OCM: variants seen among roughly 807,000 people sequenced by gnomAD.
OCM encodes the protein oncomodulin-1.
OCM carries 18 observed loss-of-function variants against 14.1 expected under a neutral mutation model. The observed-to-expected ratio is 1.28, with a 90% CI of 0.88 to 1.89. OCM has a LOEUF of 1.89. OCM is among the 40% of genes most tolerant of loss of function. OCM has a pLI of 0.00. For synonymous variants in OCM, 48 were observed against 51.0 expected, an observed-to-expected ratio of 0.94 and a Z score of 0.25; for missense variants, 140 against 137.6, an observed-to-expected ratio of 1.02 and a Z score of -0.09.
At chr7:5,864,315 C>G in the OCM span, among the ~76,000 whole-genome samples, 1 of 149,802 alleles carries the variant, frequency 6.7e-6, no homozygotes, top group Non-Finnish European at 1.5e-5. Context: ...CCACTGCACT[C>G]CAGCCTGGGT....
chr7:5,884,874 A>G (rs149211057), intron 3 of OCM, among the ~76,000 whole-genome samples: 2,100 of 152,250 alleles, frequency 0.014, 49 homozygotes, highest in African/African-American at 0.048. Context: ...AATCCCAGCA[A>G]TTTTGGAGGC....
chr7:5,880,213 GGCT>G, upstream of OCM, among the ~76,000 whole-genome samples: 1 of 152,242 alleles, frequency 6.6e-6, no homozygotes, highest in East Asian at 1.9e-4. Flanking sequence ...GCATCTCTCG[GGCT>G]GCTGTAGGAA....
chr7:5,866,955 G>C, the OCM span, among the ~76,000 whole-genome samples: 3 of 152,100 alleles, frequency 2.0e-5, no homozygotes, highest in African/African-American at 7.2e-5. Context: ...CGTAGTGCCT[G>C]TTTCACTTTA....
At chr7:5,883,176 C>A (rs974393511) in intron 2 of OCM, among the ~76,000 whole-genome samples, 1 of 152,006 alleles carries the variant, frequency 6.6e-6, no homozygotes, top group Non-Finnish European at 1.5e-5. Flanking sequence ...TTTCCTTTGG[C>A]AAATGGACTT....
At chr7:5,876,156 C>T (rs1239197567), upstream of OCM, among the ~76,000 whole-genome samples, 1 of 152,152 alleles carries the variant, frequency 6.6e-6, no homozygotes, top group African/African-American at 2.4e-5. Context: ...CAGGCATGCA[C>T]CACCACGCCG....
rs1159644130 is a variant in OCM at position 5,882,113 on chromosome 7, AAAAAAAGC to A, written c.62-379_62-372del. On this transcript the variant is annotated intron_variant, in intron 1 of 3. Transcript: ENST00000242104. The stretch of plus-strand genomic sequence containing the variant: ...AAAAAAAAAAAAAAAAAAAAAAAAA[AAAAAAAGC>A]GCCAAAGGCCATTTAGCCTGTTGAA... Among the ~76,000 whole-genome samples, 6 of 148,890 alleles carry A rather than the reference AAAAAAAGC, an allele frequency of 4.0e-5. 1 individual carries two copies. The highest frequency in any genetic ancestry group is 8.9e-5 in the Non-Finnish European group (6 of 67,262).
the OCM span, among the ~76,000 whole-genome samples, chr7:5,862,571 A>G: frequency 1.3e-5 from 2 of 152,228 alleles, no homozygotes; most frequent in Non-Finnish European, 2.9e-5. Context: ...TAAATGCAGC[A>G]TGGCCCTATT....
At chr7:5,879,646 G>C (rs1447328214), upstream of OCM, among the ~76,000 whole-genome samples, 2 of 150,638 alleles carry the variant, frequency 1.3e-5, no homozygotes, top group African/African-American at 4.9e-5. Flanking sequence ...TGCCAACAGG[G>C]TTCGTTTGCA....
chr7:5,862,000 A>G, the OCM span, among the ~76,000 whole-genome samples: 2 of 152,154 alleles, frequency 1.3e-5, no homozygotes, highest in Non-Finnish European at 1.5e-5. Context: ...CCTGAGCTCA[A>G]GTGATCCTCC....
chr7:5,873,494 C>T, the OCM span, among the ~76,000 whole-genome samples: 2 of 152,096 alleles, frequency 1.3e-5, no homozygotes, highest in South Asian at 4.1e-4. Flanking sequence ...AGCCCAGGAG[C>T]CTGGATAATT....
chr7:5,863,313 T>G, the OCM span, among the ~76,000 whole-genome samples: 1 of 152,122 alleles, frequency 6.6e-6, no homozygotes, highest in Non-Finnish European at 1.5e-5. Context: ...GGGCGTGTCC[T>G]CAAACTGCTG....
chr7:5,871,695 T>C, the OCM span: 6 of 152,198 alleles, frequency 3.9e-5, no homozygotes, highest in African/African-American at 1.4e-4. Context: ...GAGGCCCCCA[T>C]AGTGAAATTC....
the OCM span, among the ~76,000 whole-genome samples, chr7:5,865,340 T>G: frequency 1.3e-5 from 2 of 152,216 alleles, no homozygotes; most frequent in African/African-American, 4.8e-5. Context: ...TGGTTTTGCT[T>G]CTTAAAAAAG....
At chr7:5,871,806 G>A in the OCM span, 3 of 151,908 alleles carry the variant, frequency 2.0e-5, no homozygotes, top group Admixed American at 6.6e-5. Context: ...CTATTCACAA[G>A]CATAATCCCA....
chr7:5,870,435 C>T, the OCM span, among the ~76,000 whole-genome samples: 1 of 152,188 alleles, frequency 6.6e-6, no homozygotes, highest in Non-Finnish European at 1.5e-5. Context: ...TTTATGCATT[C>T]TCATAGCATC....
upstream of OCM, among the ~76,000 whole-genome samples, chr7:5,876,927 T>A (rs1781107699): frequency 6.6e-6 from 1 of 151,876 alleles, no homozygotes; most frequent in Admixed American, 6.6e-5. Flanking sequence ...TGCCTCAGCC[T>A]CTCAAGTAGC....
chr7:5,886,256 C>G lies in OCM; in HGVS notation c.*167C>G, dbSNP rs1352642690. ...TTAGTGAGGTCACGAGGGAGTCACT[C>G]CTGACTTTCTTGGTGGTGGGTATAT... On this transcript the variant is annotated 3_prime_UTR_variant, in exon 4 of 4. Transcript: ENST00000242104. 3 of 968,632 alleles carry G rather than the reference C, an allele frequency of 3.1e-6. No individual in the cohort carries two copies. The Admixed American group carries it at 7.5e-5, about 24-fold the overall frequency. The allele number at this position is 968,632 out of a possible 1,614,324, so 60.0% of individuals were successfully genotyped here. A position where few individuals can be genotyped will look rare whatever the true frequency, so the allele number is the denominator to read the frequency against.
At chr7:5,868,018 G>A in the OCM span, among the ~76,000 whole-genome samples, 1 of 152,052 alleles carries the variant, frequency 6.6e-6, no homozygotes. Context: ...GATTACAGGA[G>A]TGAGCCACCG....
At chr7:5,861,361 A>C in the OCM span, among the ~76,000 whole-genome samples, 5 of 151,978 alleles carry the variant, frequency 3.3e-5, no homozygotes, top group Non-Finnish European at 5.9e-5. Flanking sequence ...GCGGAGGTTG[A>C]AGTGAGCTGA....
Sources: allele counts gnomAD v4.1 joint callset (sites outside exome capture counted in the v4.1 genomes callset), GRCh38; gene constraint gnomAD v4.1.1; transcripts MANE v1.5; gene names NCBI Gene and HGNC (gene_info 2026-07-23, HGNC 2026-07-21).